Variants in ERICH5 observed in about 807,000 individuals in gnomAD.
The protein encoded by ERICH5 is glutamate-rich protein 5.
A neutral mutation model predicts 28.0 loss-of-function variants in ERICH5; 24 were observed. The ratio of observed to expected loss-of-function variants is 0.86; its 90% CI spans 0.62 to 1.21. ERICH5 has a LOEUF of 1.21. Among genes scored for constraint, ERICH5 ranks in the 50% most tolerant of loss-of-function variants. ERICH5 has a pLI of 0.00. For synonymous variants in ERICH5, 163 were observed against 157.6 expected (o/e 1.03, Z -0.25); for missense variants, 421 against 441.2 (o/e 0.95, Z 0.41).
chr8:98,086,812 G>A (rs572025780), intron 1 of ERICH5, among the ~76,000 whole-genome samples: 82 of 152,016 alleles, frequency 5.4e-4, no homozygotes, highest in Middle Eastern at 3.4e-3. Flanking sequence ...TTAGCCGGGC[G>A]TGGTGGTGGG....
Position 98,089,071 on chromosome 8 carries a change from C to T in ERICH5, c.59-5C>T, listed in dbSNP as rs1366225814. 6.3e-7 allele frequency: 1 copy of T among 1,579,514 alleles called. No homozygotes were observed. The highest frequency in any genetic ancestry group is 1.9e-5 in the Admixed American group (1 of 52,762). ...TCTTTTTCTTTTTCAAATGAATAAC[C>T]AAAGTAACTTCAAATGAGCATTTTT... On this transcript the variant is annotated splice_polypyrimidine_tract_variant and splice_region_variant and intron_variant, in intron 1 of 2. Coordinates refer to ENST00000318528, the MANE Select transcript of ERICH5 (RefSeq NM_173549.3).
intron 1 of ERICH5, among the ~76,000 whole-genome samples, chr8:98,078,981 T>C (rs1260806073): frequency 1.3e-5 from 2 of 152,168 alleles, no homozygotes; most frequent in Non-Finnish European, 2.9e-5. Flanking sequence ...TAGTACCTTT[T>C]TCTACTTTGA....
chr8:98,092,504 C>A (rs1261272057), intron 2 of ERICH5, among the ~76,000 whole-genome samples: 3 of 152,134 alleles, frequency 2.0e-5, no homozygotes, highest in African/African-American at 7.2e-5. Context: ...GACAGGAGGT[C>A]TTGTTGCCCA....
intron 1 of ERICH5, among the ~76,000 whole-genome samples, chr8:98,066,192 G>GT (rs1292089394): frequency 6.6e-6 from 1 of 152,138 alleles, no homozygotes; most frequent in Non-Finnish European, 1.5e-5. Context: ...ATGTTTCGAT[G>GT]TTTCGTGTTT....
At chr8:98,079,610 G>T (rs1815135426) in intron 1 of ERICH5, among the ~76,000 whole-genome samples, 1 of 152,142 alleles carries the variant, frequency 6.6e-6, no homozygotes, top group African/African-American at 2.4e-5. Context: ...CGCAATCTTG[G>T]CTCACTGCAA....
intron 1 of ERICH5, among the ~76,000 whole-genome samples, chr8:98,086,823 T>C (rs1373140089): frequency 1.3e-5 from 2 of 151,356 alleles, no homozygotes; most frequent in African/African-American, 4.9e-5. Context: ...TGGTGGTGGG[T>C]GCCTGTAGTC....
chr8:98,067,186 A>G (rs980563013), intron 1 of ERICH5, among the ~76,000 whole-genome samples: 6 of 152,148 alleles, frequency 3.9e-5, no homozygotes, highest in African/African-American at 7.2e-5. Context: ...TATAATCCCA[A>G]TGGCTCTGGA....
intron 2 of ERICH5, 75 bp from the exon 3 acceptor site, chr8:98,093,146 G>A (rs779014584): frequency 3.2e-5 from 33 of 1,029,582 alleles, no homozygotes; most frequent in Non-Finnish European, 4.4e-5. Context: ...TGCCCCCATT[G>A]GAGACAAACT....
At chr8:98,065,665 C>T (rs1814806685) in intron 1 of ERICH5, among the ~76,000 whole-genome samples, 1 of 152,100 alleles carries the variant, frequency 6.6e-6, no homozygotes, top group Middle Eastern at 3.2e-3. Context: ...GTTTTACAGC[C>T]GACTCACTTT....
intron 1 of ERICH5, among the ~76,000 whole-genome samples, chr8:98,081,469 G>T (rs1257599715): frequency 2.0e-5 from 3 of 152,182 alleles, no homozygotes; most frequent in Non-Finnish European, 4.4e-5. Flanking sequence ...GTGATGCTAA[G>T]ATTGACAAGA....
chr8:98,064,952 C>A (rs111437694), intron 1 of ERICH5, among the ~76,000 whole-genome samples: 3,737 of 152,300 alleles, frequency 0.025, 149 homozygotes, highest in African/African-American at 0.084. Flanking sequence ...CCGCGGCGCT[C>A]GCTGCGAGAC....
chr8:98,071,674 A>G (rs956274648), intron 1 of ERICH5, among the ~76,000 whole-genome samples: 1 of 151,652 alleles, frequency 6.6e-6, no homozygotes, highest in Admixed American at 6.6e-5. Context: ...GTGCCAGACT[A>G]TAGCTCTCCA....
chr8:98,091,935 TCCTTTCTTTC>T (rs1815412144), intron 2 of ERICH5, among the ~76,000 whole-genome samples: 1 of 87,932 alleles, frequency 1.1e-5, no homozygotes, highest in Non-Finnish European at 2.2e-5. Context: ...CTTTCTTTCT[TCCTTTCTTTC>T]TTTCTTCTTT....
At chr8:98,064,754 GC>G in intron 1 of ERICH5, 27 bp downstream of exon 1, 1 of 1,520,736 alleles carries the variant, frequency 6.6e-7, no homozygotes, top group Non-Finnish European at 8.8e-7. Flanking sequence ...CGCCGCCCGC[GC>G]CCGGGCTGGG....
chr8:98,066,512 T>C (rs148438936), intron 1 of ERICH5, among the ~76,000 whole-genome samples: 47 of 152,358 alleles, frequency 3.1e-4, no homozygotes, highest in African/African-American at 1.1e-3. Context: ...AATAACTTTA[T>C]CTTTAAAAAT....
intron 2 of ERICH5, among the ~76,000 whole-genome samples, chr8:98,090,522 G>C (rs1815365412): frequency 6.6e-6 from 1 of 151,894 alleles, no homozygotes; most frequent in Non-Finnish European, 1.5e-5. Context: ...CAGCACTTCA[G>C]GAGGCAGAGG....
At chr8:98,086,537 A>G (rs1009796964) in intron 1 of ERICH5, among the ~76,000 whole-genome samples, 3 of 152,252 alleles carry the variant, frequency 2.0e-5, no homozygotes, top group African/African-American at 7.2e-5. Flanking sequence ...GTAATAGCTT[A>G]ATATATGGCT....
intron 1 of ERICH5, among the ~76,000 whole-genome samples, chr8:98,083,627 C>A (rs1815219571): frequency 6.6e-6 from 1 of 152,048 alleles, no homozygotes; most frequent in Non-Finnish European, 1.5e-5. Context: ...CACACCACTA[C>A]CCTCCTCATT....
rs769042472 is a variant in ERICH5 at position 98,070,660 on chromosome 8, C to CAAAA, written c.58+5952_58+5955dup. Among the ~76,000 whole-genome samples the CAAAA allele has an allele frequency of 9.6e-3, 373 of 38,674 alleles. 14 individuals are homozygous for CAAAA. Among genetic ancestry groups the CAAAA allele is most frequent in the African/African-American group, 0.02 (220 of 11,128 alleles). 25.4% of individuals were successfully genotyped at this position (38,674 alleles called of 152,430 possible). A position where few individuals can be genotyped will look rare whatever the true frequency, so the allele number is the denominator to read the frequency against. ...GGGCAACAAGAGTGAAACTGCATCTCAAAAAAAAAAAAAAAAAAAAAAGAA... is the reference window on the plus strand; with the variant it reads ...GGGCAACAAGAGTGAAACTGCATCTCAAAAAAAAAAAAAAAAAAAAAAAAAAGAA... On this transcript the variant is annotated intron_variant, in intron 1 of 2. Coordinates refer to ENST00000318528, the MANE Select transcript of ERICH5 (RefSeq NM_173549.3).
Sources: allele counts gnomAD v4.1 joint callset (sites outside exome capture counted in the v4.1 genomes callset), GRCh38; gene constraint gnomAD v4.1.1; transcripts MANE v1.5; gene names NCBI Gene and HGNC (gene_info 2026-07-23, HGNC 2026-07-21).